ZDHHC6: variants seen among roughly 807,000 people sequenced by gnomAD.
ZDHHC6 encodes the protein zDHHC palmitoyltransferase 6.
In ZDHHC6, 32 loss-of-function variants were observed where a neutral mutation model predicts 57.8. The observed-to-expected ratio is 0.55, with a 90% CI of 0.42 to 0.74. The LOEUF is 0.74. Ranked by LOEUF, ZDHHC6 falls within the 30% of genes least tolerant of loss-of-function variation. The pLI is 0.00. For synonymous variants in ZDHHC6, 128 were observed against 158.0 expected (o/e 0.81, Z 1.42); for missense variants, 433 against 500.7 (o/e 0.86, Z 1.29).
At chr10:112,447,494 G>A (rs1846910655), upstream of ZDHHC6, 3 of 1,610,274 alleles carry the variant, frequency 1.9e-6, no homozygotes, top group African/African-American at 4.0e-5. Flanking sequence ...GCTGGACGAG[G>A]GTGCTGGGGA....
chr10:112,441,360 C>T (rs1846103912), intron 4 of ZDHHC6, among the ~76,000 whole-genome samples: 1 of 152,216 alleles, frequency 6.6e-6, no homozygotes, highest in South Asian at 2.1e-4. Context: ...TATTCTTCCA[C>T]AGTGACAAGT....
downstream of ZDHHC6, chr10:112,426,652 T>A: frequency 2.7e-6 from 2 of 745,342 alleles, no homozygotes; most frequent in East Asian, 5.2e-5. Flanking sequence ...ATATTGGGCA[T>A]ATAATGTGCT....
Position 112,433,233 on chromosome 10 carries a change from TACTTAC to T in ZDHHC6, c.945+1_945+6del, listed in dbSNP as rs1845201016. ...AAAAAAATTACCACTGCAAAAGAAG[TACTTAC>T]ACTTCTGACTCTCTTATCTGCTTTT... On this transcript the variant is annotated splice_donor_variant and splice_donor_5th_base_variant and intron_variant, in intron 8 of 10. Coordinates refer to ENST00000369405, the MANE Select transcript of ZDHHC6 (RefSeq NM_022494.3). LOFTEE classifies it high-confidence loss of function. 6.3e-7 allele frequency: 1 copy of T among 1,582,688 alleles called. No homozygotes were observed. Among genetic ancestry groups the T allele is most frequent in the African/African-American group, 1.4e-5 (1 of 72,960 alleles).
upstream of ZDHHC6, chr10:112,447,392 G>C (rs750526924): frequency 6.2e-7 from 1 of 1,613,668 alleles, no homozygotes. Flanking sequence ...CGACTTCGAA[G>C]GTTACGAGCA....
chr10:112,439,187 CACAAACAAACAA>C (rs77964508), intron 5 of ZDHHC6, among the ~76,000 whole-genome samples: 1 of 151,652 alleles, frequency 6.6e-6, no homozygotes, highest in Non-Finnish European at 1.5e-5. Flanking sequence ...CAGGCTCTGT[CACAAACAAACAA>C]ACAAACAAAC....
chr10:112,436,831 G>A (rs1564759468), intron 6 of ZDHHC6, among the ~76,000 whole-genome samples: 1 of 152,138 alleles, frequency 6.6e-6, no homozygotes, highest in Non-Finnish European at 1.5e-5. Context: ...CTCTCAAGGA[G>A]ATGTCCTTTA....
chr10:112,426,591 G>A (rs944449853), downstream of ZDHHC6: 27 of 623,364 alleles, frequency 4.3e-5, no homozygotes, highest in Non-Finnish European at 7.3e-5. Flanking sequence ...ATGCTATTCA[G>A]AGAAAACTGT....
At chr10:112,433,001 T>C (rs1395883973) in intron 8 of ZDHHC6, among the ~76,000 whole-genome samples, 8 of 152,220 alleles carry the variant, frequency 5.3e-5, no homozygotes, top group South Asian at 2.1e-4. Flanking sequence ...AGGAGCTGTA[T>C]TGAGGATAAT....
downstream of ZDHHC6, chr10:112,427,425 T>G (rs565167053): frequency 6.9e-7 from 1 of 1,444,074 alleles, no homozygotes; most frequent in African/African-American, 1.4e-5. Context: ...TAAAAACTAT[T>G]CTTACATTTG....
chr10:112,440,529 C>T lies in ZDHHC6; in HGVS notation c.681+5G>A, dbSNP rs757088452. The T allele has an allele frequency of 8.7e-6, 14 of 1,611,834 alleles. No individual in the cohort carries two copies. The highest frequency in any genetic ancestry group is 5.1e-6 in the Non-Finnish European group (6 of 1,178,568). On this transcript the variant is annotated splice_donor_5th_base_variant and intron_variant, in intron 5 of 10. Transcript: ENST00000369405. Reference sequence around the variant, plus strand: ...CTTTTGACTTGAGGTAATTGAGATGCTTACCTGGATAAAAAACAACATCCC... The same window carrying T: ...CTTTTGACTTGAGGTAATTGAGATGTTTACCTGGATAAAAAACAACATCCC...
chr10:112,438,077 G>A (rs1449806738), intron 6 of ZDHHC6, among the ~76,000 whole-genome samples: 1 of 152,200 alleles, frequency 6.6e-6, no homozygotes, highest in Non-Finnish European at 1.5e-5. Flanking sequence ...TTTGACGTGT[G>A]GCTTAGGCCT....
At chr10:112,424,628 T>C (rs1410826871) in exon 12 of ZDHHC6, 3 of 152,248 alleles carry the variant, frequency 2.0e-5, no homozygotes, top group African/African-American at 7.2e-5. Flanking sequence ...GGCTAATTTA[T>C]CAAGTCGGCC....
At chr10:112,433,775 G>A (rs909872194) in intron 7 of ZDHHC6, among the ~76,000 whole-genome samples, 1 of 152,124 alleles carries the variant, frequency 6.6e-6, no homozygotes, top group African/African-American at 2.4e-5. Flanking sequence ...CATGATCTCT[G>A]TCCTAGAATC....
chr10:112,440,987 A>C (rs981838947), intron 4 of ZDHHC6, among the ~76,000 whole-genome samples: 1 of 152,180 alleles, frequency 6.6e-6, no homozygotes, highest in Non-Finnish European at 1.5e-5. Flanking sequence ...CTGGGACTAC[A>C]GGCATGTGCC....
chr10:112,427,077 G>A (rs974840379), downstream of ZDHHC6: 52 of 971,522 alleles, frequency 5.4e-5, no homozygotes, highest in Non-Finnish European at 7.0e-5. Flanking sequence ...CTTAAATTAT[G>A]TTTGTGGGAA....
downstream of ZDHHC6, among the ~76,000 whole-genome samples, chr10:112,426,081 A>C (rs965563240): frequency 1.3e-5 from 1 of 74,644 alleles, no homozygotes; most frequent in African/African-American, 5.5e-5. Context: ...GAGTGGGAAA[A>C]TGGGATTACA....
downstream of ZDHHC6, chr10:112,427,195 A>ATG (rs751452222): frequency 1.9e-5 from 31 of 1,603,184 alleles, no homozygotes; most frequent in South Asian, 3.3e-4. Flanking sequence ...ATGAGCATGG[A>ATG]TGTGTGTGTG....
At chr10:112,444,763 CTT>C (rs1288278596) in intron 2 of ZDHHC6, among the ~76,000 whole-genome samples, 1 of 152,156 alleles carries the variant, frequency 6.6e-6, no homozygotes, top group African/African-American at 2.4e-5. Context: ...GATTTTAAAA[CTT>C]TATGATTTAA....
rs1380452886 is a variant in ZDHHC6, at chr10:112,445,645, C to T, written c.-209G>A. ...GAGAATCCAGTGTCTTGGTCTGAAA[C>T]CCAACCTAAAGAAAACAAAATGGGA... On this transcript the variant is annotated 5_prime_UTR_variant, in exon 2 of 11. Coordinates refer to ENST00000369405, the MANE Select transcript of ZDHHC6 (RefSeq NM_022494.3). 5.1e-6 allele frequency: 3 copies of T among 587,840 alleles called. No homozygotes were observed. Among genetic ancestry groups the T allele is most frequent in the Non-Finnish European group, 8.6e-6 (3 of 348,904 alleles). The allele number at this position is 587,840 out of a possible 1,614,324, so 36.4% of individuals were successfully genotyped here.
Sources: allele counts gnomAD v4.1 joint callset (sites outside exome capture counted in the v4.1 genomes callset), GRCh38; gene constraint gnomAD v4.1.1; transcripts MANE v1.5; gene names NCBI Gene and HGNC (gene_info 2026-07-23, HGNC 2026-07-21).